Variants in DSCAM observed in about 807,000 individuals in gnomAD.
DSCAM encodes cell adhesion molecule DSCAM.
In DSCAM, 47 loss-of-function variants were observed where a neutral mutation model predicts 217.7. The observed-to-expected ratio is 0.22, with a 90% confidence interval of 0.17 to 0.28. The LOEUF (loss-of-function observed/expected upper bound fraction) is 0.28. Among genes scored for constraint, DSCAM ranks in the 10% least tolerant of loss-of-function variants. The probability of loss-of-function intolerance (pLI) is 1.00; values close to 1 mark genes in which losing one functional copy is unlikely to be tolerated. For synonymous variants in DSCAM, 1,056 were observed against 1,015.3 expected, an observed-to-expected ratio of 1.04 and a Z score of -0.76; for missense variants, 2,080 against 2,618.3, an observed-to-expected ratio of 0.79 and a Z score of 4.49.
At chr21:40,540,268 A>G (rs1055002774) in intron 3 of DSCAM, among the ~76,000 whole-genome samples, 4 of 152,210 alleles carry the variant, frequency 2.6e-5, no homozygotes, top group African/African-American at 9.7e-5. Context: ...GTCCGTCTAG[A>G]TTCTGAAGGC....
Position 40,133,839 on chromosome 21 carries a change from C to G in DSCAM, c.3562+15G>C, listed in dbSNP as rs202239320. The G allele has an allele frequency of 6.3e-7, 1 of 1,588,866 alleles. No homozygotes were observed. Among genetic ancestry groups the G allele is most frequent in the Non-Finnish European group, 8.6e-7 (1 of 1,167,120 alleles). On this transcript the variant is annotated intron_variant, in intron 19 of 32. Coordinates refer to ENST00000400454, the MANE Select transcript of DSCAM (RefSeq NM_001389.5). ...TCCAGCAACTGCTGGGACCCACCGCCCACCCGTCTCTCACCATCCTCTTTG... is the reference window on the plus strand; with the variant it reads ...TCCAGCAACTGCTGGGACCCACCGCGCACCCGTCTCTCACCATCCTCTTTG...
At chr21:40,174,815 C>T (rs745587810) in intron 15 of DSCAM, among the ~76,000 whole-genome samples, 5 of 152,178 alleles carry the variant, frequency 3.3e-5, no homozygotes, top group Admixed American at 6.5e-5. Context: ...AACACTGAGC[C>T]GACTCACATC....
At chr21:40,562,004 T>C (rs2076724041) in intron 3 of DSCAM, among the ~76,000 whole-genome samples, 1 of 152,228 alleles carries the variant, frequency 6.6e-6, no homozygotes, top group African/African-American at 2.4e-5. Flanking sequence ...CTTAGCCATA[T>C]GTCCATTTCA....
At chr21:40,271,344 G>T (rs2073613822) in intron 11 of DSCAM, among the ~76,000 whole-genome samples, 1 of 152,170 alleles carries the variant, frequency 6.6e-6, no homozygotes, top group African/African-American at 2.4e-5. Flanking sequence ...TGTCCTGCAT[G>T]CAGGGATCAG....
At chr21:40,709,415 C>G (rs549277906) in intron 1 of DSCAM, among the ~76,000 whole-genome samples, 3 of 152,160 alleles carry the variant, frequency 2.0e-5, no homozygotes, top group Non-Finnish European at 4.4e-5. Context: ...TAGGTATACA[C>G]GTGCCGTGGT....
At chr21:40,803,193 T>C (rs1170687325) in intron 1 of DSCAM, among the ~76,000 whole-genome samples, 1 of 152,226 alleles carries the variant, frequency 6.6e-6, no homozygotes, top group African/African-American at 2.4e-5. Flanking sequence ...TCTCATATGT[T>C]TTTCAAAATA....
At chr21:40,650,070 T>A (rs1159619194) in intron 3 of DSCAM, among the ~76,000 whole-genome samples, 1 of 152,168 alleles carries the variant, frequency 6.6e-6, no homozygotes, top group Non-Finnish European at 1.5e-5. Flanking sequence ...AGGGGAGAAG[T>A]GAGCAATCAC....
chr21:40,360,600 T>C (rs2074751916), intron 4 of DSCAM, among the ~76,000 whole-genome samples: 1 of 152,150 alleles, frequency 6.6e-6, no homozygotes, highest in Non-Finnish European at 1.5e-5. Flanking sequence ...TTACTAAGAA[T>C]TATGGCCTCC....
rs1334479679 is a variant in DSCAM at position 40,144,349 on chromosome 21, G to A, written c.3259+142C>T. 1.2e-5 allele frequency: 16 copies of A among 1,368,578 alleles called. No homozygotes were observed. Among genetic ancestry groups the A allele is most frequent in the African/African-American group, 1.0e-4 (7 of 69,024 alleles). 84.8% of individuals were successfully genotyped at this position (1,368,578 alleles called of 1,614,324 possible). Reference sequence around the variant, plus strand: ...GGGGTGGGCGAGGTCACGAGGGAAGGCTTTTCCACCCGAGACCCCAGGCCC... The same window carrying A: ...GGGGTGGGCGAGGTCACGAGGGAAGACTTTTCCACCCGAGACCCCAGGCCC... On this transcript the variant is annotated intron_variant, in intron 17 of 32. Transcript: ENST00000400454. This position sits in a 1 kb window ranked among gnomAD's most constrained non-coding sequence, Gnocchi z 4.8.
chr21:40,481,828 C>T (rs1396337086), intron 3 of DSCAM, among the ~76,000 whole-genome samples: 4 of 152,290 alleles, frequency 2.6e-5, no homozygotes, highest in South Asian at 2.1e-4. Context: ...CATAACAACC[C>T]GGAGTGGCAG....
At chr21:40,047,224 G>C (rs962159953) in intron 30 of DSCAM, among the ~76,000 whole-genome samples, 1 of 151,990 alleles carries the variant, frequency 6.6e-6, no homozygotes, top group Non-Finnish European at 1.5e-5. Context: ...CCATTGTTTT[G>C]TACCTGAACT....
intron 3 of DSCAM, among the ~76,000 whole-genome samples, chr21:40,448,238 G>A (rs2075690666): frequency 6.6e-6 from 1 of 152,206 alleles, no homozygotes; most frequent in African/African-American, 2.4e-5. Flanking sequence ...GAGTAAACAA[G>A]ATGGCCCTCA....
chr21:40,697,084 T>C (rs1245618255), intron 2 of DSCAM, among the ~76,000 whole-genome samples: 1 of 152,176 alleles, frequency 6.6e-6, no homozygotes, highest in Non-Finnish European at 1.5e-5. Context: ...CTTCCCAGCC[T>C]CTGGTATCCA....
intron 22 of DSCAM, 59 bp from the exon 23 acceptor site, chr21:40,085,824 G>A: frequency 7.3e-7 from 1 of 1,368,554 alleles, no homozygotes; most frequent in Non-Finnish European, 9.6e-7. Context: ...ATTAGCTGAG[G>A]TTGGGGAAAA....
chr21:40,548,065 G>A (rs2076598135), intron 3 of DSCAM, among the ~76,000 whole-genome samples: 1 of 152,124 alleles, frequency 6.6e-6, no homozygotes, highest in Non-Finnish European at 1.5e-5. Flanking sequence ...GGAGAGAGCC[G>A]GTTGGTTAAT....
chr21:40,732,099 T>C (rs911229159), intron 1 of DSCAM, among the ~76,000 whole-genome samples: 1 of 152,090 alleles, frequency 6.6e-6, no homozygotes, highest in Non-Finnish European at 1.5e-5. Context: ...GGCTTCAACA[T>C]AGTTTTTGGG....
chr21:40,659,555 CCTAT>C (rs61618018), intron 3 of DSCAM, among the ~76,000 whole-genome samples: 2,830 of 152,154 alleles, frequency 0.019, 65 homozygotes, highest in African/African-American at 0.057. Context: ...TATGTATATG[CCTAT>C]CTATTTATCT....
chr21:40,759,644 G>T (rs2091310907), intron 1 of DSCAM, among the ~76,000 whole-genome samples: 1 of 152,082 alleles, frequency 6.6e-6, no homozygotes, highest in African/African-American at 2.4e-5. Context: ...TGGGTTGATT[G>T]CTGGGGCTGG....
intron 3 of DSCAM, among the ~76,000 whole-genome samples, chr21:40,500,077 C>A (rs940938001): frequency 2.0e-5 from 3 of 152,136 alleles, no homozygotes; most frequent in Admixed American, 6.5e-5. Context: ...TGAGCCACTG[C>A]GCCCGGCTGA....
Sources: allele counts gnomAD v4.1 joint callset (sites outside exome capture counted in the v4.1 genomes callset), GRCh38; gene constraint gnomAD v4.1.1; non-coding constraint Gnocchi (gnomAD v3.1); transcripts MANE v1.5; gene names NCBI Gene and HGNC (gene_info 2026-07-23, HGNC 2026-07-21).